Variants in DNAAF4 observed in about 807,000 individuals in gnomAD.
DNAAF4 encodes dynein assembly factor 4, axonemal.
DNAAF4 carries 43 observed loss-of-function variants against 51.8 expected under a neutral mutation model. The ratio of observed to expected loss-of-function variants is 0.83; its 90% CI spans 0.65 to 1.07. The LOEUF (loss-of-function observed/expected upper bound fraction) is 1.07. Among genes scored for constraint, DNAAF4 ranks in the 50% least tolerant of loss-of-function variants. The probability of loss-of-function intolerance (pLI) is 0.00; values close to 1 mark genes in which losing one functional copy is unlikely to be tolerated. For missense variants in DNAAF4, 581 were observed against 493.0 expected (o/e 1.18, Z -1.69); for synonymous variants, 194 against 165.6 (o/e 1.17, Z -1.32).
chr15:55,484,416 C>T (rs1481324900), intron 4 of DNAAF4, among the ~76,000 whole-genome samples: 2 of 149,442 alleles, frequency 1.3e-5, no homozygotes, highest in Non-Finnish European at 3.0e-5. Flanking sequence ...ACCTGGGAGG[C>T]GGAGCTTGCA....
chr15:55,448,268 A>G (rs918037339), intron 6 of DNAAF4, among the ~76,000 whole-genome samples: 3 of 151,982 alleles, frequency 2.0e-5, no homozygotes, highest in Non-Finnish European at 4.4e-5. Context: ...AGCCCATTTG[A>G]TCATGGTGGA....
At chr15:55,486,039 C>T (rs921432428) in intron 4 of DNAAF4, among the ~76,000 whole-genome samples, 3 of 149,586 alleles carry the variant, frequency 2.0e-5, no homozygotes, top group South Asian at 2.1e-4. Context: ...CCAAGATTAG[C>T]GAAGAGGAAA....
chr15:55,487,646 G>A (rs1032405585), intron 4 of DNAAF4, among the ~76,000 whole-genome samples: 1 of 151,910 alleles, frequency 6.6e-6, no homozygotes, highest in South Asian at 2.1e-4. Flanking sequence ...GCAAGACCAC[G>A]AACCTACCGA....
At chr15:55,454,394 T>C (rs1229679343) in intron 5 of DNAAF4, among the ~76,000 whole-genome samples, 2 of 152,080 alleles carry the variant, frequency 1.3e-5, no homozygotes. Flanking sequence ...GTTTTTGTTT[T>C]TGAGACAGAG....
At chr15:55,427,258 G>A (rs1007848085), downstream of DNAAF4, among the ~76,000 whole-genome samples, 3 of 152,160 alleles carry the variant, frequency 2.0e-5, no homozygotes, top group Non-Finnish European at 4.4e-5. Flanking sequence ...AGTAGAGACG[G>A]GGTTTCACCA....
At chr15:55,486,685 G>T (rs55670124) in intron 4 of DNAAF4, among the ~76,000 whole-genome samples, 32,922 of 151,834 alleles carry the variant, frequency 0.22, 4,449 homozygotes, top group Non-Finnish European at 0.3. Flanking sequence ...TTGGGAAGCT[G>T]AGGTGGGAGG....
At chr15:55,465,393 T>TACACACAC (rs61176405) in intron 5 of DNAAF4, among the ~76,000 whole-genome samples, 209 of 149,802 alleles carry the variant, frequency 1.4e-3, no homozygotes, top group African/African-American at 4.5e-3. Context: ...GGTGTATATA[T>TACACACAC]ACACACACAC....
chr15:55,480,070 CTTA>C (rs2058387688), intron 4 of DNAAF4, among the ~76,000 whole-genome samples: 3 of 152,052 alleles, frequency 2.0e-5, no homozygotes, highest in Non-Finnish European at 4.4e-5. Context: ...TTGTTACACC[CTTA>C]TTAGTAGTTC....
exon 8 of DNAAF4, chr15:55,417,945 C>G: frequency 1.7e-6 from 1 of 573,838 alleles, no homozygotes; most frequent in Admixed American, 3.7e-5. Context: ...GGGGGAGGTT[C>G]TGAGCCAGGA....
chr15:55,442,862 C>T (rs1304473172), intron 6 of DNAAF4: 2 of 1,612,518 alleles, frequency 1.2e-6, no homozygotes, highest in Admixed American at 3.3e-5. Flanking sequence ...GCACACATAC[C>T]AACAGTAGCA....
At chr15:55,501,291 T>C (rs1178560727) in intron 1 of DNAAF4, among the ~76,000 whole-genome samples, 3 of 151,606 alleles carry the variant, frequency 2.0e-5, no homozygotes, top group Non-Finnish European at 2.9e-5. Context: ...CTCGATCTCC[T>C]GACCTCATGA....
chr15:55,468,266 T>C lies in DNAAF4; in HGVS notation c.406-1105A>G, dbSNP rs76523753. 2.3e-3 allele frequency among the ~76,000 whole-genome samples: 346 copies of C among 152,328 alleles called. 8 individuals are homozygous for C. The highest frequency in any genetic ancestry group is 7.8e-4 in the Non-Finnish European group (53 of 68,028). ...CATTACGAGTATGAAACCTGTGCACTGAAAGGTGCTCTGTAATATCTACAT... is the reference window on the plus strand; with the variant it reads ...CATTACGAGTATGAAACCTGTGCACCGAAAGGTGCTCTGTAATATCTACAT... On this transcript the variant is annotated intron_variant, in intron 4 of 9. Transcript: ENST00000321149.
At chr15:55,428,512 T>G (rs1418709671), downstream of DNAAF4, among the ~76,000 whole-genome samples, 1 of 125,842 alleles carries the variant, frequency 7.9e-6, no homozygotes, top group Non-Finnish European at 1.6e-5. Context: ...TTTTTTTTTT[T>G]GAGATGGAGT....
At chr15:55,503,434 A>C (rs901772213) in intron 1 of DNAAF4, among the ~76,000 whole-genome samples, 2 of 152,218 alleles carry the variant, frequency 1.3e-5, no homozygotes, top group Admixed American at 6.5e-5. Flanking sequence ...ATGAGCCAGC[A>C]TCATCCTGAT....
intron 6 of DNAAF4, chr15:55,442,879 A>G: frequency 6.2e-7 from 1 of 1,612,382 alleles, no homozygotes; most frequent in East Asian, 2.2e-5. Context: ...AGCATCAATC[A>G]TGGTTGCAAT....
intron 5 of DNAAF4, among the ~76,000 whole-genome samples, chr15:55,466,022 T>C (rs1317322812): frequency 1.3e-5 from 2 of 152,156 alleles, no homozygotes; most frequent in African/African-American, 4.8e-5. Flanking sequence ...TCCACCAAAA[T>C]CTCAGAAATC....
At chr15:55,472,217 A>G (rs1175229121) in intron 4 of DNAAF4, among the ~76,000 whole-genome samples, 4 of 152,226 alleles carry the variant, frequency 2.6e-5, no homozygotes, top group African/African-American at 7.2e-5. Context: ...ATATTAAACA[A>G]TCCTTGAAGG....
rs1250589996 is a variant in DNAAF4, at chr15:55,466,633, T to C, written c.637+297A>G. 2.6e-5 allele frequency among the ~76,000 whole-genome samples: 4 copies of C among 152,168 alleles called. No individual in the cohort carries two copies. The East Asian group carries it at 5.8e-4, about 22-fold the overall frequency. On this transcript the variant is annotated intron_variant, in intron 5 of 9. Coordinates refer to ENST00000321149, the MANE Select transcript of DNAAF4 (RefSeq NM_130810.4). ...CATTGCTAGTCCACTCCAAGTCTTT[T>C]TGGGCCTGAGTTAAGCACTTATTTA...
In DNAAF4 at chr15:55,459,180, GA is replaced by G. The variant is rs200368672; in HGVS notation, c.637+7749del. On this transcript the variant is annotated intron_variant, in intron 5 of 9. Transcript: ENST00000321149. ...TTCTTAGCAGAAGCCCTGCAAGCCAGAAGGGATGGGGGTCCTATCTTTAGCC... is the reference window on the plus strand; with the variant it reads ...TTCTTAGCAGAAGCCCTGCAAGCCAGAGGGATGGGGGTCCTATCTTTAGCC... 3.1e-3 allele frequency among the ~76,000 whole-genome samples: 472 copies of G among 151,912 alleles called. 2 individuals are homozygous for G. Among genetic ancestry groups the G allele is most frequent in the African/African-American group, 0.01 (433 of 41,426 alleles).
Sources: gnomAD v4.1 joint callset for allele counts (sites outside exome capture counted in the v4.1 genomes callset) on GRCh38, gnomAD v4.1.1 for gene constraint, MANE v1.5 for transcripts, NCBI Gene and HGNC (gene_info 2026-07-23, HGNC 2026-07-21) for gene names.